LYRM4: variants seen among roughly 807,000 people sequenced by gnomAD.
The protein encoded by LYRM4 is LYR motif containing 4.
Under a neutral mutation model 11.7 loss-of-function variants are expected in LYRM4, and 9 were observed. That is an observed-to-expected ratio of 0.77 (90% confidence interval 0.46 to 1.34). LYRM4 has a LOEUF of 1.34. Ranked by LOEUF, LYRM4 falls within the 40% of genes most tolerant of loss-of-function variation. LYRM4 has a pLI of 0.00. For missense variants in LYRM4, 133 were observed against 112.5 expected (o/e 1.18, Z -0.82); for synonymous variants, 42 against 40.4 (o/e 1.04, Z -0.15).
chr6:5,131,592 A>G (rs576843289), intron 2 of LYRM4, among the ~76,000 whole-genome samples: 8 of 152,336 alleles, frequency 5.3e-5, no homozygotes, highest in Non-Finnish European at 8.8e-5. Flanking sequence ...GACAACAAAG[A>G]AAACATTGTC....
downstream of LYRM4, chr6:5,107,394 G>C (rs1762693263): frequency 6.6e-6 from 1 of 152,198 alleles, no homozygotes; most frequent in Non-Finnish European, 1.5e-5. Context: ...AGTAGCAGTT[G>C]CTTAAATTAA....
rs574783216 is a variant in LYRM4 at position 5,185,257 on chromosome 6, A to G, written c.207+31361T>C. 5.7e-4 allele frequency among the ~76,000 whole-genome samples: 87 copies of G among 152,336 alleles called. 2 individuals are homozygous for G. The Middle Eastern group carries it at 0.014, about 24-fold the overall frequency. On this transcript the variant is annotated intron_variant, in intron 2 of 2. Coordinates refer to ENST00000330636, the MANE Select transcript of LYRM4 (RefSeq NM_020408.6). ...AAGATACTTGTCCTTCATTGACTAA[A>G]CAATGACCAAGCATCTGCCCTGTGC...
intron 1 of LYRM4, among the ~76,000 whole-genome samples, chr6:5,237,211 T>C (rs1257488131): frequency 6.6e-6 from 1 of 152,164 alleles, no homozygotes; most frequent in African/African-American, 2.4e-5. Context: ...TCTGTATTTA[T>C]AGCCACTCCC....
the LYRM4 span, among the ~76,000 whole-genome samples, chr6:5,071,345 A>C: frequency 6.6e-6 from 1 of 152,078 alleles, no homozygotes; most frequent in Admixed American, 6.6e-5. Flanking sequence ...TATTTAAAAA[A>C]TTTTTTTAAA....
chr6:5,084,382 C>G, the LYRM4 span, among the ~76,000 whole-genome samples: 152,270 of 152,270 alleles, frequency 1, 76,135 homozygotes, highest in Non-Finnish European at 1. Flanking sequence ...GCGCGGGCCA[C>G]GCCCCCACTC....
chr6:5,043,247 T>TGA, the LYRM4 span: 16 of 150,934 alleles, frequency 1.1e-4, no homozygotes, highest in African/African-American at 1.5e-4. Flanking sequence ...CCAATTTTTT[T>TGA]GAGATATATA....
chr6:5,045,951 G>A, the LYRM4 span, among the ~76,000 whole-genome samples: 1 of 152,122 alleles, frequency 6.6e-6, no homozygotes, highest in Non-Finnish European at 1.5e-5. Flanking sequence ...GCAGGACATC[G>A]TGCTGCTTAG....
At chr6:5,176,954 TC>T (rs1759754746) in intron 2 of LYRM4, among the ~76,000 whole-genome samples, 1 of 152,208 alleles carries the variant, frequency 6.6e-6, no homozygotes, top group Admixed American at 6.5e-5. Flanking sequence ...GTTTTAATAC[TC>T]CAAATAACTT....
intron 2 of LYRM4, among the ~76,000 whole-genome samples, chr6:5,197,890 C>T (rs529229728): frequency 1.0e-4 from 15 of 150,440 alleles, no homozygotes; most frequent in African/African-American, 1.7e-4. Flanking sequence ...GGGAAGGCAG[C>T]GCCGGGTGCG....
chr6:5,228,786 G>T (rs111612156), intron 1 of LYRM4, among the ~76,000 whole-genome samples: 3 of 151,644 alleles, frequency 2.0e-5, no homozygotes, highest in African/African-American at 7.3e-5. Flanking sequence ...GGATCATGAG[G>T]TCAGGAGATC....
the LYRM4 span, among the ~76,000 whole-genome samples, chr6:5,089,999 T>C: frequency 8.2e-6 from 1 of 122,546 alleles, no homozygotes; most frequent in East Asian, 2.4e-4. Context: ...TTTAAGAGTG[T>C]ATTTCCTGAA....
At chr6:5,191,361 A>G (rs746147964) in intron 2 of LYRM4, among the ~76,000 whole-genome samples, 21 of 152,214 alleles carry the variant, frequency 1.4e-4, no homozygotes, top group Non-Finnish European at 2.2e-4. Context: ...CAGGGAAGCA[A>G]TCTGAAGTCC....
At chr6:5,259,298 A>T (rs544560632) in intron 1 of LYRM4, among the ~76,000 whole-genome samples, 2 of 152,186 alleles carry the variant, frequency 1.3e-5, no homozygotes, top group Non-Finnish European at 2.9e-5. Context: ...TCCTCAACAG[A>T]CTTGGTTAAG....
At chr6:5,061,805 C>G in the LYRM4 span, among the ~76,000 whole-genome samples, 2 of 152,116 alleles carry the variant, frequency 1.3e-5, no homozygotes, top group Admixed American at 6.5e-5. Context: ...TTACAAAGCA[C>G]TGGAAGAAAT....
chr6:5,160,846 C>G (rs1453263754), intron 2 of LYRM4, among the ~76,000 whole-genome samples: 4 of 152,208 alleles, frequency 2.6e-5, no homozygotes, highest in Admixed American at 6.5e-5. Flanking sequence ...TCTAAGTCAA[C>G]TGGCCATTTA....
chr6:5,217,364 A>AC (rs1236008230), intron 1 of LYRM4, among the ~76,000 whole-genome samples: 2 of 151,792 alleles, frequency 1.3e-5, no homozygotes, highest in African/African-American at 4.8e-5. Flanking sequence ...CCTACCACCC[A>AC]CCCCCAACCA....
intron 1 of LYRM4, among the ~76,000 whole-genome samples, chr6:5,250,255 G>A (rs1764368262): frequency 6.6e-6 from 1 of 151,828 alleles, no homozygotes; most frequent in South Asian, 2.1e-4. Context: ...AAAGGCCAAG[G>A]CAAAGTATAA....
chr6:5,165,042 A>C (rs1027970790), intron 2 of LYRM4, among the ~76,000 whole-genome samples: 2 of 152,168 alleles, frequency 1.3e-5, no homozygotes, highest in Admixed American at 6.5e-5. Context: ...AAGCTTTCAA[A>C]ATTGTAAATT....
intron 2 of LYRM4, among the ~76,000 whole-genome samples, chr6:5,180,181 T>C (rs534724374): frequency 2.0e-5 from 3 of 152,300 alleles, no homozygotes; most frequent in East Asian, 3.9e-4. Context: ...TAGAGGTCTC[T>C]ACAGAACCTG....
Sources: gnomAD v4.1 joint callset for allele counts (sites outside exome capture counted in the v4.1 genomes callset) on GRCh38, gnomAD v4.1.1 for gene constraint, MANE v1.5 for transcripts, NCBI Gene and HGNC (gene_info 2026-07-23, HGNC 2026-07-21) for gene names.